Variants in DOCK11 observed in about 807,000 individuals in gnomAD.
The protein encoded by DOCK11 is dedicator of cytokinesis protein 11.
Under a neutral mutation model 169.1 loss-of-function variants are expected in DOCK11, and 70 were observed. That is an observed-to-expected ratio of 0.41 (90% confidence interval 0.34 to 0.51). DOCK11 has a LOEUF of 0.51. Ranked by LOEUF, DOCK11 falls within the 20% of genes least tolerant of loss-of-function variation. The pLI, the probability that DOCK11 is intolerant of heterozygous loss-of-function variation, is 0.10. For missense variants in DOCK11, 1,166 were observed against 1,538.8 expected (o/e 0.76, Z 4.05); for synonymous variants, 529 against 541.3 (o/e 0.98, Z 0.32).
chrX:118,574,877 C>T (rs1014814828), intron 12 of DOCK11, among the ~76,000 whole-genome samples: 9 of 111,512 alleles, frequency 8.1e-5, no homozygotes, highest in African/African-American at 2.9e-4. Flanking sequence ...CTTAACTGTT[C>T]CTTGGAATTC....
intron 26 of DOCK11, 24 bp from the exon 27 acceptor site, chrX:118,609,254 A>G (rs1258194359): frequency 1.8e-6 from 2 of 1,142,257 alleles, no homozygotes; most frequent in Middle Eastern, 2.4e-4. Context: ...TAACCGTTAA[A>G]GATTCTCTTT....
Position 118,641,268 on chromosome X carries a change from T to C in DOCK11, c.4223T>C (p.Val1408Ala). Residue 1408 changes from valine (V) to alanine (A), a missense_variant, in exon 39 of 53, where the codon GTA (valine) becomes GCA (alanine). By Grantham distance (64) the Val-to-Ala change is moderately conservative. Coordinates refer to ENST00000276202, the MANE Select transcript of DOCK11 (RefSeq NM_144658.4). Reference protein sequence around the residue: ...GNTATEVSLTVLDTISFFTQC... With the variant: ...GNTATEVSLTALDTISFFTQC... ...ACAGCTACTGAAGTTTCCCTAACAG[T>C]ACTAGACACCATATCATTTTTCACT... 1 of 1,205,531 alleles carries C rather than the reference T, an allele frequency of 8.3e-7. No individual in the cohort carries two copies. Among genetic ancestry groups the C allele is most frequent in the Non-Finnish European group, 1.1e-6 (1 of 890,111 alleles).
At chrX:118,552,369 T>G (rs1446460547) in intron 6 of DOCK11, among the ~76,000 whole-genome samples, 1 of 111,791 alleles carries the variant, frequency 8.9e-6, no homozygotes, top group African/African-American at 3.2e-5. Context: ...TGCATTCAAG[T>G]CGATGGGCTG....
chrX:118,648,040 A>ATAAT (rs2015815052), intron 40 of DOCK11, among the ~76,000 whole-genome samples: 1 of 53,908 alleles, frequency 1.9e-5, no homozygotes. Flanking sequence ...ATTATATAAT[A>ATAAT]ATATAATATA....
At chrX:118,657,300 C>T (rs1056714528) in intron 44 of DOCK11, among the ~76,000 whole-genome samples, 7 of 111,458 alleles carry the variant, frequency 6.3e-5, no homozygotes, top group Non-Finnish European at 1.3e-4. Flanking sequence ...AATCAAAGCA[C>T]TCTTCACTAA....
chrX:118,497,296 C>T (rs2057544674), intron 1 of DOCK11, among the ~76,000 whole-genome samples: 1 of 107,609 alleles, frequency 9.3e-6, no homozygotes, highest in Non-Finnish European at 1.9e-5. Context: ...AGCAATAAAA[C>T]CCAGCATTAA....
At position 118,597,344 on chromosome X, in the gene DOCK11, C is replaced by T; in HGVS notation, c.2264-87C>T. The T allele has an allele frequency of 3.5e-6, 4 of 1,151,487 alleles. No individual in the cohort carries two copies. In the African/African-American group the frequency reaches 7.1e-5, roughly 20 times the overall value. The allele number at this position is 1,151,487 out of a possible 1,213,427, so 94.9% of individuals were successfully genotyped here. ...ATACAGATCCCTGGAGACATCACCA[C>T]CCTGCCCTGCCCCCTAGCAGTCAGC... is the stretch of plus-strand genomic sequence containing the variant. On this transcript the variant is annotated intron_variant, in intron 20 of 52. Coordinates refer to ENST00000276202, the MANE Select transcript of DOCK11 (RefSeq NM_144658.4).
chrX:118,640,567 T>C (rs2015504496), intron 38 of DOCK11, among the ~76,000 whole-genome samples: 1 of 112,250 alleles, frequency 8.9e-6, no homozygotes, highest in African/African-American at 3.2e-5. Context: ...TGAATTTCTA[T>C]TTAGTGGTTT....
chrX:118,565,370 G>T (rs372010595), intron 7 of DOCK11, among the ~76,000 whole-genome samples: 1 of 112,077 alleles, frequency 8.9e-6, no homozygotes, highest in Admixed American at 9.5e-5. Flanking sequence ...CCTCAAGTGT[G>T]TATCATTTAA....
chrX:118,615,578 T>G (rs1171647301), intron 29 of DOCK11, 22 bp from the exon 30 acceptor site: 15 of 1,123,707 alleles, frequency 1.3e-5, no homozygotes, highest in Non-Finnish European at 1.8e-5. Flanking sequence ...TATGAGCTAA[T>G]GTATCATTTC....
chrX:118,542,072 C>A (rs2012026300), intron 1 of DOCK11, among the ~76,000 whole-genome samples: 1 of 111,938 alleles, frequency 8.9e-6, no homozygotes, highest in African/African-American at 3.3e-5. Flanking sequence ...TAAATACCAA[C>A]AGGCACACTT....
intron 23 of DOCK11, among the ~76,000 whole-genome samples, chrX:118,599,698 C>A (rs2014277073): frequency 8.9e-6 from 1 of 112,186 alleles, no homozygotes; most frequent in South Asian, 3.6e-4. Context: ...TTGTATCTTA[C>A]CACATGTATA....
At chrX:118,543,894 G>T (rs752524405) in intron 4 of DOCK11, among the ~76,000 whole-genome samples, 9 of 111,878 alleles carry the variant, frequency 8.0e-5, no homozygotes, top group African/African-American at 2.3e-4. Context: ...AGGTTGCAGT[G>T]AGCGGAGATC....
At position 118,686,030 on chromosome X, in the gene DOCK11, A is replaced by G. The variant is rs941765193; in HGVS notation, c.*223A>G. The G allele has an allele frequency of 6.0e-6, 2 of 332,010 alleles. No homozygotes were observed. The highest frequency in any genetic ancestry group is 5.1e-6 in the Non-Finnish European group (1 of 195,578). The allele number at this position is 332,010 out of a possible 1,213,427, so 27.4% of individuals were successfully genotyped here. ...GGTTTGTACTTTTTTAGGTAAATCT[A>G]TATGCTGAAAAGTAGAGCTCAAAAA... On this transcript the variant is annotated 3_prime_UTR_variant, in exon 53 of 53. Transcript: ENST00000276202.
chrX:118,632,981 T>TGGGGGGG (rs2015290068), intron 35 of DOCK11: 1 of 10,415 alleles, frequency 9.6e-5, no homozygotes, highest in Non-Finnish European at 1.8e-4. Context: ...GGGGGGGGGG[T>TGGGGGGG]GAGGGGGGTG....
At chrX:118,544,288 C>T (rs1051152609) in intron 4 of DOCK11, among the ~76,000 whole-genome samples, 1 of 111,599 alleles carries the variant, frequency 9.0e-6, no homozygotes, top group Non-Finnish European at 1.9e-5. Flanking sequence ...ATGGCATGAG[C>T]ACACTGGCCC....
intron 44 of DOCK11, among the ~76,000 whole-genome samples, chrX:118,658,081 A>G (rs191361541): frequency 1.8e-4 from 20 of 111,981 alleles, no homozygotes; most frequent in Admixed American, 8.5e-4. Flanking sequence ...AATACATTTG[A>G]GTGCAGAACT....
chrX:118,669,220 A>G (rs1406222302), intron 45 of DOCK11, among the ~76,000 whole-genome samples: 5 of 111,452 alleles, frequency 4.5e-5, no homozygotes, highest in Non-Finnish European at 5.7e-5. Context: ...TAGCAATGAG[A>G]GAAATGGAGA....
intron 35 of DOCK11, chrX:118,634,106 C>G (rs953334150): frequency 4.5e-5 from 5 of 112,115 alleles, no homozygotes; most frequent in South Asian, 3.7e-4. Flanking sequence ...GCCCGTCCGC[C>G]TCCCGTCTGA....
Sources: gnomAD v4.1 joint callset for allele counts (sites outside exome capture counted in the v4.1 genomes callset) on GRCh38, gnomAD v4.1.1 for gene constraint, MANE v1.5 for transcripts, NCBI Gene and HGNC (gene_info 2026-07-23, HGNC 2026-07-21) for gene names.